SH3KBP1: variants seen among roughly 807,000 people sequenced by gnomAD.
SH3KBP1 encodes SH3 domain containing kinase binding protein 1.
Under a neutral mutation model 50.1 loss-of-function variants are expected in SH3KBP1, and 8 were observed. The observed-to-expected ratio is 0.16, with a 90% CI of 0.09 to 0.29. The LOEUF is 0.29. SH3KBP1 is among the 10% of genes least tolerant of loss of function. The probability of loss-of-function intolerance (pLI) is 1.00; values close to 1 mark genes in which losing one functional copy is unlikely to be tolerated. For missense variants in SH3KBP1, 377 were observed against 535.2 expected (o/e 0.70, Z 2.92); for synonymous variants, 227 against 218.6 (o/e 1.04, Z -0.34).
chrX:19,873,464 A>G (rs1407935676), intron 1 of SH3KBP1, among the ~76,000 whole-genome samples: 1 of 106,238 alleles, frequency 9.4e-6, no homozygotes, highest in South Asian at 4.2e-4. Context: ...CGAGGTCAGG[A>G]GTTTGAGACC....
At chrX:19,778,936 T>C (rs1337720973) in intron 2 of SH3KBP1, among the ~76,000 whole-genome samples, 1 of 109,990 alleles carries the variant, frequency 9.1e-6, no homozygotes, top group Non-Finnish European at 1.9e-5. Context: ...TTTGATGCCA[T>C]TGTCATTCAC....
chrX:19,717,295 C>T (rs2063936879), intron 3 of SH3KBP1, among the ~76,000 whole-genome samples: 1 of 111,859 alleles, frequency 8.9e-6, no homozygotes, highest in Non-Finnish European at 1.9e-5. Flanking sequence ...ACACTCAATC[C>T]ATTCTCGACA....
intron 8 of SH3KBP1, among the ~76,000 whole-genome samples, chrX:19,628,085 C>T (rs2061496532): frequency 8.9e-6 from 1 of 112,405 alleles, no homozygotes; most frequent in Non-Finnish European, 1.9e-5. Context: ...GTTTTACAGG[C>T]TCCGACTCCA....
intron 8 of SH3KBP1, among the ~76,000 whole-genome samples, chrX:19,609,739 G>A (rs1295604989): frequency 8.9e-6 from 1 of 111,891 alleles, no homozygotes; most frequent in Non-Finnish European, 1.9e-5. Context: ...TTCCAGCAAG[G>A]TGAGGAGCAC....
At chrX:19,740,864 A>G (rs1373667613) in intron 3 of SH3KBP1, 2 of 237,664 alleles carry the variant, frequency 8.4e-6, no homozygotes, top group East Asian at 1.2e-4. Flanking sequence ...AGGCCCTCAC[A>G]CTAAAAGCTA....
At chrX:19,871,218 C>T (rs1021267839) in intron 1 of SH3KBP1, among the ~76,000 whole-genome samples, 3 of 112,635 alleles carry the variant, frequency 2.7e-5, no homozygotes, top group Middle Eastern at 4.6e-3. Flanking sequence ...AAAATGACCA[C>T]ATCACAATCT....
chrX:19,864,087 G>C (rs938979370), intron 1 of SH3KBP1, among the ~76,000 whole-genome samples: 1 of 111,024 alleles, frequency 9.0e-6, no homozygotes, highest in African/African-American at 3.3e-5. Context: ...CCCCTGGTAA[G>C]AGTCTCAGCT....
At chrX:19,865,851 T>C (rs1226443820) in intron 1 of SH3KBP1, among the ~76,000 whole-genome samples, 1 of 112,228 alleles carries the variant, frequency 8.9e-6, no homozygotes, top group Non-Finnish European at 1.9e-5. Context: ...CCCACCTTCA[T>C]GCTGCAATCT....
chrX:19,649,896 C>T (rs771579057), intron 6 of SH3KBP1, among the ~76,000 whole-genome samples: 1 of 112,477 alleles, frequency 8.9e-6, no homozygotes, highest in South Asian at 3.7e-4. Context: ...TTTGTGACTG[C>T]AGAACGTGAG....
chrX:19,753,194 T>C (rs1899985270), intron 2 of SH3KBP1, among the ~76,000 whole-genome samples: 2 of 111,634 alleles, frequency 1.8e-5, no homozygotes, highest in South Asian at 7.5e-4. Context: ...CCCCCTTGGC[T>C]TAGGGTGGAA....
At chrX:19,824,035 G>T (rs902356491) in intron 2 of SH3KBP1, among the ~76,000 whole-genome samples, 1 of 110,900 alleles carries the variant, frequency 9.0e-6, no homozygotes, top group African/African-American at 3.3e-5. Context: ...GGCCAGTCTG[G>T]TCTCGAACTT....
intron 2 of SH3KBP1, chrX:19,747,787 TG>T: frequency 3.1e-6 from 1 of 322,053 alleles, no homozygotes; most frequent in Non-Finnish European, 6.2e-6. Flanking sequence ...GTGTTTCAAC[TG>T]GCGTCCCAGA....
chrX:19,567,096 C>T (rs1256726249), intron 13 of SH3KBP1, among the ~76,000 whole-genome samples: 1 of 109,432 alleles, frequency 9.1e-6, no homozygotes, highest in African/African-American at 3.3e-5. Context: ...ATAGTGCTTG[C>T]CAGAGGTTAG....
At chrX:19,680,400 A>C (rs1218675846) in intron 6 of SH3KBP1, among the ~76,000 whole-genome samples, 3 of 108,973 alleles carry the variant, frequency 2.8e-5, no homozygotes, top group East Asian at 2.8e-4. Context: ...AAAAAAAAAA[A>C]AACTTCACAA....
intron 2 of SH3KBP1, among the ~76,000 whole-genome samples, chrX:19,769,720 T>C (rs2065729331): frequency 9.0e-6 from 1 of 111,135 alleles, no homozygotes; most frequent in African/African-American, 3.3e-5. Context: ...AATGCAGCCA[T>C]TGGTTTTAAC....
chrX:19,559,727 T>A (rs981388222), intron 13 of SH3KBP1, among the ~76,000 whole-genome samples: 25 of 111,369 alleles, frequency 2.2e-4, no homozygotes, highest in African/African-American at 8.2e-4. Context: ...CACCAGGAAT[T>A]ATTATTTTTA....
chrX:19,639,480 G>A (rs1308561732), intron 7 of SH3KBP1, among the ~76,000 whole-genome samples: 1 of 111,005 alleles, frequency 9.0e-6, no homozygotes, highest in African/African-American at 3.3e-5. Flanking sequence ...AGAGTCTTTG[G>A]GAGAAAGAAA....
intron 13 of SH3KBP1, among the ~76,000 whole-genome samples, chrX:19,557,568 C>T (rs1448889779): frequency 8.9e-6 from 1 of 112,056 alleles, no homozygotes; most frequent in East Asian, 2.8e-4. Flanking sequence ...TAGCCACCAG[C>T]CCCACGTGGC....
intron 1 of SH3KBP1, among the ~76,000 whole-genome samples, chrX:19,836,894 G>A (rs1186078037): frequency 9.0e-6 from 1 of 111,425 alleles, no homozygotes; most frequent in Non-Finnish European, 1.9e-5. Flanking sequence ...AGATCTGATG[G>A]TTTTATAAGG....
Sources: allele counts gnomAD v4.1 joint callset (sites outside exome capture counted in the v4.1 genomes callset), GRCh38; gene constraint gnomAD v4.1.1; transcripts MANE v1.5; gene names NCBI Gene and HGNC (gene_info 2026-07-23, HGNC 2026-07-21).